The following EDA variants were observed in gnomAD, a reference collection of about 807,000 sequenced individuals.
EDA encodes the protein ectodysplasin A.
In EDA, 2 loss-of-function variants were observed where a neutral mutation model predicts 23.6. The observed-to-expected ratio is 0.08, with a 90% CI of 0.03 to 0.27. The LOEUF (loss-of-function observed/expected upper bound fraction) is 0.27, where lower values mean the gene tolerates loss of function less well. Among genes scored for constraint, EDA ranks in the 10% least tolerant of loss-of-function variants. EDA has a pLI of 1.00. For synonymous variants in EDA, 131 were observed against 132.0 expected (o/e 0.99, Z 0.05); for missense variants, 229 against 324.2 (o/e 0.71, Z 2.26).
intron 1 of EDA, among the ~76,000 whole-genome samples, chrX:69,951,140 C>T (rs2018919837): frequency 9.2e-6 from 1 of 109,196 alleles, no homozygotes; most frequent in African/African-American, 3.3e-5. Flanking sequence ...CTCTTATCAC[C>T]AGGCTCAAAC....
chrX:69,818,914 C>T (rs764963905), intron 1 of EDA, among the ~76,000 whole-genome samples: 8 of 111,396 alleles, frequency 7.2e-5, no homozygotes, highest in South Asian at 3.7e-4. Flanking sequence ...GATACAACAA[C>T]GAAAAAGAAA....
intron 1 of EDA, among the ~76,000 whole-genome samples, chrX:69,728,033 T>C (rs2012872464): frequency 9.1e-6 from 1 of 110,086 alleles, no homozygotes; most frequent in South Asian, 4.0e-4. Flanking sequence ...TCACTTGAGG[T>C]CAGGAGTTCA....
At chrX:69,782,741 T>C (rs1371588419) in intron 1 of EDA, among the ~76,000 whole-genome samples, 1 of 111,976 alleles carries the variant, frequency 8.9e-6, no homozygotes, top group Non-Finnish European at 1.9e-5. Flanking sequence ...GGTAAAAAGA[T>C]CTTTGAAGCC....
chrX:69,681,678 C>A (rs1228173927), intron 1 of EDA, among the ~76,000 whole-genome samples: 36 of 110,453 alleles, frequency 3.3e-4, no homozygotes, highest in African/African-American at 1.1e-3. Flanking sequence ...TCCATCAGCT[C>A]CTTTAAGCAC....
In EDA at chrX:69,758,741, C is replaced by T. The variant is rs944135765; in HGVS notation, c.396+142037C>T. 2.7e-5 allele frequency among the ~76,000 whole-genome samples: 3 copies of T among 112,298 alleles called. No individual in the cohort carries two copies. The East Asian group carries it at 8.4e-4, about 32-fold the overall frequency. On this transcript the variant is annotated intron_variant, in intron 1 of 7. Transcript: ENST00000374552. ...GTTCCAGCTACTCAGGAGGCTGAGACAGGAGAATCGCTTGAGCCCGGGAGG... is the reference window on the plus strand; with the variant it reads ...GTTCCAGCTACTCAGGAGGCTGAGATAGGAGAATCGCTTGAGCCCGGGAGG...
chrX:69,712,062 C>T (rs2012074746), intron 1 of EDA, among the ~76,000 whole-genome samples: 1 of 110,623 alleles, frequency 9.0e-6, no homozygotes, highest in Non-Finnish European at 1.9e-5. Flanking sequence ...GCTCTTGCTT[C>T]TCTAGTTCTT....
intron 1 of EDA, among the ~76,000 whole-genome samples, chrX:69,702,753 A>T (rs1272566494): frequency 2.7e-5 from 3 of 111,149 alleles, no homozygotes; most frequent in Non-Finnish European, 5.7e-5. Flanking sequence ...TCTGAGTGCA[A>T]AAAAGCCTGG....
chrX:69,839,022 A>G (rs957474976), intron 1 of EDA, among the ~76,000 whole-genome samples: 1 of 112,388 alleles, frequency 8.9e-6, no homozygotes, highest in African/African-American at 3.2e-5. Context: ...GAAAATGTGT[A>G]TTTATGAACC....
intron 1 of EDA, among the ~76,000 whole-genome samples, chrX:69,814,443 A>G (rs1174427050): frequency 8.8e-6 from 1 of 113,136 alleles, no homozygotes; most frequent in Non-Finnish European, 1.9e-5. Flanking sequence ...CCTCTTACTT[A>G]TTTGTACAGA....
At chrX:69,937,249 CACAATA>C (rs2018686712) in intron 1 of EDA, 1 of 807,199 alleles carries the variant, frequency 1.2e-6, no homozygotes. Context: ...TACAAATGAC[CACAATA>C]TTTGGCATCA....
At chrX:69,865,550 C>A (rs943730093) in intron 1 of EDA, among the ~76,000 whole-genome samples, 13 of 111,563 alleles carry the variant, frequency 1.2e-4, no homozygotes, top group African/African-American at 4.2e-4. Flanking sequence ...ATCGTGCCCA[C>A]CAGATTAAGG....
chrX:70,032,502 T>C (rs2020213745), intron 6 of EDA, among the ~76,000 whole-genome samples: 2 of 111,185 alleles, frequency 1.8e-5, no homozygotes, highest in Non-Finnish European at 3.8e-5. Flanking sequence ...ATGGATGGCT[T>C]AGAGGGGAAA....
intron 1 of EDA, among the ~76,000 whole-genome samples, chrX:69,867,248 CAG>C (rs1218636515): frequency 8.9e-6 from 1 of 111,912 alleles, no homozygotes; most frequent in African/African-American, 3.2e-5. Flanking sequence ...TGGGTGATGA[CAG>C]GGGTGGCTGG....
intron 1 of EDA, among the ~76,000 whole-genome samples, chrX:69,661,210 A>G (rs1168207489): frequency 1.9e-5 from 2 of 106,061 alleles, no homozygotes; most frequent in East Asian, 6.0e-4. Context: ...TTTTTCTTGT[A>G]AATTTGTTTA....
chrX:69,735,074 A>T (rs1310316116), intron 1 of EDA, among the ~76,000 whole-genome samples: 1 of 111,803 alleles, frequency 8.9e-6, no homozygotes, highest in South Asian at 3.8e-4. Context: ...TTACACACCT[A>T]TGTTCATACC....
intron 1 of EDA, among the ~76,000 whole-genome samples, chrX:69,876,276 C>CATT (rs1252424826): frequency 9.2e-6 from 1 of 108,550 alleles, no homozygotes; most frequent in African/African-American, 3.3e-5. Context: ...GAAACTGTGG[C>CATT]ATATATATAT....
chrX:69,966,533 C>T (rs1404254824), intron 2 of EDA, among the ~76,000 whole-genome samples: 9 of 103,414 alleles, frequency 8.7e-5, no homozygotes, highest in Admixed American at 3.2e-4. Flanking sequence ...GAGCCAAGAT[C>T]GCACCACTGC....
chrX:69,793,388 T>TC (rs2015456709), intron 1 of EDA, among the ~76,000 whole-genome samples: 1 of 108,086 alleles, frequency 9.3e-6, no homozygotes, highest in South Asian at 4.0e-4. Flanking sequence ...TTTTTTTTTT[T>TC]AATTATCTCC....
At chrX:69,797,445 T>C (rs2015569309) in intron 1 of EDA, among the ~76,000 whole-genome samples, 1 of 111,558 alleles carries the variant, frequency 9.0e-6, no homozygotes, top group Non-Finnish European at 1.9e-5. Context: ...TGGGATGATA[T>C]ATTCAAAGTT....
Sources: gnomAD v4.1 joint callset for allele counts (sites outside exome capture counted in the v4.1 genomes callset) on GRCh38, gnomAD v4.1.1 for gene constraint, MANE v1.5 for transcripts, NCBI Gene and HGNC (gene_info 2026-07-23, HGNC 2026-07-21) for gene names.